Variants in UNC80 observed in about 807,000 individuals in gnomAD.
UNC80 encodes unc-80 subunit of NALCN channel complex.
In UNC80, 164 loss-of-function variants were observed where a neutral mutation model predicts 384.6. That is an observed-to-expected ratio of 0.43 (90% CI 0.38 to 0.49). The LOEUF is 0.49. Among genes scored for constraint, UNC80 ranks in the 20% least tolerant of loss-of-function variants. The pLI, the probability that UNC80 is intolerant of heterozygous loss-of-function variation, is 0.00. For synonymous variants in UNC80, 1,486 were observed against 1,527.8 expected, an observed-to-expected ratio of 0.97 and a Z score of 0.64; for missense variants, 3,330 against 4,143.0, an observed-to-expected ratio of 0.80 and a Z score of 5.39.
intron 25 of UNC80, among the ~76,000 whole-genome samples, chr2:209,886,700 G>C (rs775170989): frequency 5.1e-4 from 78 of 152,254 alleles, no homozygotes; most frequent in Non-Finnish European, 1.0e-3. Flanking sequence ...TCATGCATGA[G>C]GTTTCTTAAG....
intron 13 of UNC80, 103 bp downstream of exon 13, chr2:209,820,782 C>T: frequency 3.0e-6 from 4 of 1,316,112 alleles, no homozygotes; most frequent in South Asian, 3.3e-5. Context: ...CACCTAGTCA[C>T]TAGAGCAAAA....
At position 209,888,172 on chromosome 2, in the gene UNC80, G is replaced by A. The variant is rs574897561; in HGVS notation, c.4188G>A (p.Gly1396=). The A allele has an allele frequency of 2.6e-6, 4 of 1,551,522 alleles. No homozygotes were observed. The highest frequency in any genetic ancestry group is 2.0e-5 in the Admixed American group (1 of 50,984). The part of the protein sequence containing the change: ...HRYERKISFA[G]VLDENEDSKD... ...ATGAGAGGAAGATCAGCTTTGCTGG[G>A]GTCCTGGACGAAAATGAAGACTCAA... The change falls in exon 26 of 65, where the codon GGG becomes GGA. Residue 1396 remains glycine, a synonymous_variant. Transcript: ENST00000673920.
chr2:209,949,071 T>A (rs2092038055), intron 47 of UNC80, among the ~76,000 whole-genome samples: 1 of 152,210 alleles, frequency 6.6e-6, no homozygotes, highest in African/African-American at 2.4e-5. Context: ...ATAATTATCA[T>A]TTTTCAGTAT....
chr2:209,798,935 C>T (rs979158406), intron 7 of UNC80, among the ~76,000 whole-genome samples: 24 of 150,202 alleles, frequency 1.6e-4, no homozygotes, highest in South Asian at 4.2e-4. Context: ...CCGCCCACCT[C>T]GGCCTCCCAA....
chr2:209,846,786 T>TA (rs1307528283), intron 21 of UNC80, among the ~76,000 whole-genome samples: 3 of 152,106 alleles, frequency 2.0e-5, no homozygotes, highest in Non-Finnish European at 4.4e-5. Flanking sequence ...TGTATTGCTA[T>TA]AAAAAATTGA....
At chr2:209,777,106 T>C in intron 3 of UNC80, 152 bp from the exon 4 acceptor site, 2 of 815,452 alleles carry the variant, frequency 2.5e-6, no homozygotes, top group East Asian at 2.6e-5. Flanking sequence ...TTGCGGCCAG[T>C]AGGGAAGTCC....
intron 24 of UNC80, among the ~76,000 whole-genome samples, chr2:209,880,607 G>A (rs965109318): frequency 2.0e-5 from 3 of 152,084 alleles, no homozygotes; most frequent in South Asian, 2.1e-4. Context: ...TTCTGTTTTC[G>A]TTAAAAGGTA....
chr2:209,824,825 C>G (rs776824451), intron 13 of UNC80, among the ~76,000 whole-genome samples: 1 of 152,148 alleles, frequency 6.6e-6, no homozygotes, highest in South Asian at 2.1e-4. Context: ...CCATACCATG[C>G]GCACATTTGA....
chr2:209,956,581 A>T (rs1445257871), intron 48 of UNC80, among the ~76,000 whole-genome samples: 2 of 149,332 alleles, frequency 1.3e-5, no homozygotes, highest in East Asian at 3.9e-4. Context: ...TAAATTTTTT[A>T]ATTTTTTTTA....
intron 23 of UNC80, among the ~76,000 whole-genome samples, chr2:209,874,263 G>T (rs534629286): frequency 6.6e-6 from 1 of 152,024 alleles, no homozygotes; most frequent in South Asian, 2.1e-4. Context: ...ATACATAGAG[G>T]CACCAGTAAT....
chr2:209,807,632 A>C (rs560141821), intron 7 of UNC80, among the ~76,000 whole-genome samples: 1 of 152,188 alleles, frequency 6.6e-6, no homozygotes, highest in East Asian at 1.9e-4. Context: ...CAAAGTGCTC[A>C]GATTACAGGC....
At chr2:209,922,535 T>TA (rs918085036) in intron 35 of UNC80, among the ~76,000 whole-genome samples, 152 bp downstream of exon 35, 7 of 151,942 alleles carry the variant, frequency 4.6e-5, no homozygotes, top group East Asian at 1.9e-4. Flanking sequence ...TGGCATCCTT[T>TA]AAAAAAAAAT....
chr2:209,817,594 TG>T (rs1266603677), intron 10 of UNC80, among the ~76,000 whole-genome samples: 1 of 152,126 alleles, frequency 6.6e-6, no homozygotes, highest in Non-Finnish European at 1.5e-5. Context: ...TTCTGACATT[TG>T]GCTAAGATTG....
intron 29 of UNC80, among the ~76,000 whole-genome samples, chr2:209,911,859 G>A (rs1275779835): frequency 6.6e-6 from 1 of 152,178 alleles, no homozygotes; most frequent in East Asian, 1.9e-4. Flanking sequence ...GGCATTTAAG[G>A]AGTTAGAGGA....
intron 21 of UNC80, among the ~76,000 whole-genome samples, chr2:209,846,696 A>G (rs1443301024): frequency 6.6e-6 from 1 of 152,130 alleles, no homozygotes; most frequent in Admixed American, 6.5e-5. Flanking sequence ...TAAATATTAA[A>G]CAAATGCAGC....
rs1401563600 is a variant in UNC80 at position 209,995,922 on chromosome 2, A to C, written c.*327A>C. ...ACTATTCATTGCTGCTTTCATAGAA[A>C]TATTAACAAATGATATGATCTAAAA... is the stretch of plus-strand genomic sequence containing the variant. On this transcript the variant is annotated 3_prime_UTR_variant, in exon 65 of 65. Transcript: ENST00000673920. 1 of 193,024 alleles carries C rather than the reference A, an allele frequency of 5.2e-6. No individual in the cohort carries two copies. The highest frequency in any genetic ancestry group is 1.3e-4 in the East Asian group (1 of 7,408). 12.0% of individuals were successfully genotyped at this position (193,024 alleles called of 1,614,324 possible).
chr2:209,992,361 GC>G, intron 62 of UNC80, 114 bp downstream of exon 62: 1 of 989,850 alleles, frequency 1.0e-6, no homozygotes, highest in Non-Finnish European at 1.5e-6. Context: ...CGGAATCCCA[GC>G]TACTGGGGAG....
intron 9 of UNC80, among the ~76,000 whole-genome samples, 156 bp from the exon 10 acceptor site, chr2:209,816,753 T>C (rs1196930141): frequency 6.6e-6 from 1 of 152,176 alleles, no homozygotes; most frequent in Admixed American, 6.5e-5. Context: ...AATGTGAAAT[T>C]TCTCCCATTT....
chr2:209,905,732 A>T (rs746190808), intron 29 of UNC80, among the ~76,000 whole-genome samples: 5 of 152,236 alleles, frequency 3.3e-5, no homozygotes, highest in Admixed American at 6.5e-5. Flanking sequence ...TAAAAGAGTC[A>T]TCTAGGTCAA....
Sources: allele counts gnomAD v4.1 joint callset (sites outside exome capture counted in the v4.1 genomes callset), GRCh38; gene constraint gnomAD v4.1.1; transcripts MANE v1.5; gene names NCBI Gene and HGNC (gene_info 2026-07-23, HGNC 2026-07-21).